Variants in DAGLA observed in about 807,000 individuals in gnomAD.
The protein encoded by DAGLA is diacylglycerol lipase-alpha.
DAGLA carries 22 observed loss-of-function variants against 102.6 expected under a neutral mutation model. That is an observed-to-expected ratio of 0.21 (90% CI 0.15 to 0.31). The LOEUF (loss-of-function observed/expected upper bound fraction) is 0.31, where lower values mean the gene tolerates loss of function less well. DAGLA is among the 10% of genes least tolerant of loss of function. DAGLA has a pLI of 1.00. For synonymous variants in DAGLA, 578 were observed against 628.9 expected, an observed-to-expected ratio of 0.92 and a Z score of 1.21; for missense variants, 927 against 1,446.6, an observed-to-expected ratio of 0.64 and a Z score of 5.83.
chr11:61,732,543 C>T (rs937244807), intron 9 of DAGLA, among the ~76,000 whole-genome samples: 1 of 152,202 alleles, frequency 6.6e-6, no homozygotes, highest in African/African-American at 2.4e-5. Flanking sequence ...TGGTATCTGT[C>T]CTGCCTGCCC....
chr11:61,699,619 C>T (rs2065093295), intron 1 of DAGLA, among the ~76,000 whole-genome samples: 1 of 152,254 alleles, frequency 6.6e-6, no homozygotes, highest in Admixed American at 6.5e-5. Context: ...CCGCCTCACC[C>T]TTTGCAGACT....
intron 1 of DAGLA, among the ~76,000 whole-genome samples, chr11:61,702,797 G>T (rs1262355606): frequency 6.6e-6 from 1 of 152,226 alleles, no homozygotes; most frequent in Admixed American, 6.5e-5. Context: ...GTAGAGGGAA[G>T]CCAGGCTTGT....
intron 16 of DAGLA, 30 bp from the exon 17 acceptor site, chr11:61,739,435 T>TC (rs754757266): frequency 5.0e-6 from 8 of 1,588,660 alleles, no homozygotes; most frequent in Non-Finnish European, 6.9e-6. Context: ...CTTAGCTCTG[T>TC]CCCCATCTCT....
At chr11:61,702,828 G>A (rs893463225) in intron 1 of DAGLA, among the ~76,000 whole-genome samples, 2 of 152,248 alleles carry the variant, frequency 1.3e-5, no homozygotes, top group Non-Finnish European at 2.9e-5. Flanking sequence ...GAGCCCTCCA[G>A]TAGCAGGACC....
intron 1 of DAGLA, among the ~76,000 whole-genome samples, chr11:61,704,058 T>C (rs1023583038): frequency 9.9e-5 from 15 of 151,886 alleles, no homozygotes; most frequent in Admixed American, 7.9e-4. Flanking sequence ...CTTCAGGGTA[T>C]GGGGCAGGAT....
chr11:61,719,350 C>A (rs1367780021), intron 1 of DAGLA, among the ~76,000 whole-genome samples: 2 of 152,104 alleles, frequency 1.3e-5, no homozygotes, highest in African/African-American at 2.4e-5. Flanking sequence ...CTTACCCCAT[C>A]CTTCCAGCAG....
chr11:61,723,021 A>C, intron 4 of DAGLA, 61 bp downstream of exon 4: 2 of 1,319,832 alleles, frequency 1.5e-6, no homozygotes, highest in East Asian at 4.6e-5. Context: ...GGACGAGATC[A>C]GTTTAGAGAG....
In DAGLA at chr11:61,695,872, C is replaced by T. The variant is rs368971084; in HGVS notation, c.-45+15368C>T. On this transcript the variant is annotated intron_variant, in intron 1 of 19. Transcript: ENST00000257215. Reference sequence around the variant, plus strand: ...GAATGAGGTAGGGTGTGCATCCCTGCGTGCCCCGGTGAGACCCTGGAAAGC... The same window carrying T: ...GAATGAGGTAGGGTGTGCATCCCTGTGTGCCCCGGTGAGACCCTGGAAAGC... 7.8e-4 allele frequency among the ~76,000 whole-genome samples: 119 copies of T among 152,278 alleles called. 2 individuals are homozygous for T. In the East Asian group the frequency reaches 0.02, roughly 25 times the overall value.
Position 61,737,671 on chromosome 11 carries a change from T to C in DAGLA, c.1515-16T>C, listed in dbSNP as rs755568455. ...CGCCCCCTTGGCCTTAGCTTCTGCTTCGGCTTCCCTTGCAGTGAGGATGCG... is the reference window on the plus strand; with the variant it reads ...CGCCCCCTTGGCCTTAGCTTCTGCTCCGGCTTCCCTTGCAGTGAGGATGCG... On this transcript the variant is annotated splice_polypyrimidine_tract_variant and intron_variant, in intron 14 of 19. Transcript: ENST00000257215. 6.2e-7 allele frequency: 1 copy of C among 1,613,458 alleles called. No homozygotes were observed. Among genetic ancestry groups the C allele is most frequent in the Non-Finnish European group, 8.5e-7 (1 of 1,179,506 alleles).
intron 1 of DAGLA, among the ~76,000 whole-genome samples, chr11:61,694,366 C>T (rs2065047371): frequency 6.6e-6 from 1 of 152,236 alleles, no homozygotes; most frequent in Non-Finnish European, 1.5e-5. Flanking sequence ...CAGGGCTCTC[C>T]AGTCAAGGGC....
intron 19 of DAGLA, among the ~76,000 whole-genome samples, chr11:61,741,571 C>T (rs1181472753): frequency 6.6e-6 from 1 of 152,052 alleles, no homozygotes; most frequent in Non-Finnish European, 1.5e-5. Flanking sequence ...GGCACACAGA[C>T]CCACAAACCC....
intron 3 of DAGLA, 85 bp downstream of exon 3, chr11:61,720,975 C>G: frequency 8.4e-6 from 11 of 1,308,770 alleles, no homozygotes; most frequent in Non-Finnish European, 1.2e-5. Context: ...GCACATGTTG[C>G]GAGCCAGGCC....
rs779502739 is a variant in DAGLA, at chr11:61,734,813, T to C, written c.975-36T>C. ...AGGAGACATTTGTTCCCTCGGGGAC[T>C]CCCTGGCCCTGAACTCTCTTGTCAC... On this transcript the variant is annotated intron_variant, in intron 9 of 19. Transcript: ENST00000257215. This position sits in a 1 kb window ranked among gnomAD's most constrained non-coding sequence, Gnocchi z 4.2. 3.5e-5 allele frequency: 55 copies of C among 1,587,676 alleles called. No homozygotes were observed. In the Middle Eastern group the frequency reaches 5.0e-4, roughly 14 times the overall value.
At chr11:61,700,019 G>A (rs1360739084) in intron 1 of DAGLA, among the ~76,000 whole-genome samples, 1 of 152,192 alleles carries the variant, frequency 6.6e-6, no homozygotes, top group Non-Finnish European at 1.5e-5. Flanking sequence ...ACACCACCCT[G>A]CATCCCCAAG....
At position 61,743,842 on chromosome 11, in the gene DAGLA, C is replaced by A; in HGVS notation, c.2482C>A (p.Pro828Thr). Residue 828 changes from proline to threonine, a missense_variant, in exon 20 of 20, where the codon CCC becomes ACC. Around this residue, in one of 4 missense-constraint regions of DAGLA, gnomAD observed 434 missense variants for 503.3 expected, o/e 0.86. Transcript: ENST00000257215. ...GHLFYIDPAIPEENPSLSSRT... is the reference protein window; with the variant it reads ...GHLFYIDPAITEENPSLSSRT... ...CCTCTTCTACATTGACCCTGCCATC[C>A]CCGAGGAAAACCCATCCCTGAGCTC... 6.2e-7 allele frequency: 1 copy of A among 1,612,582 alleles called. No individual in the cohort carries two copies. Among genetic ancestry groups the A allele is most frequent in the Non-Finnish European group, 8.5e-7 (1 of 1,179,944 alleles).
intron 1 of DAGLA, among the ~76,000 whole-genome samples, chr11:61,694,982 G>T (rs770119847): frequency 2.0e-5 from 3 of 152,214 alleles, no homozygotes; most frequent in Admixed American, 6.5e-5. Context: ...GGCTCTGCCT[G>T]GGGAGCACCA....
chr11:61,693,615 G>C (rs976787787), intron 1 of DAGLA, among the ~76,000 whole-genome samples: 2 of 152,126 alleles, frequency 1.3e-5, no homozygotes, highest in African/African-American at 4.8e-5. Flanking sequence ...CCAAAGTGCT[G>C]GGATTACAGG....
At chr11:61,738,941 G>A (rs1414910952) in intron 16 of DAGLA, among the ~76,000 whole-genome samples, 2 of 152,214 alleles carry the variant, frequency 1.3e-5, no homozygotes, top group Non-Finnish European at 2.9e-5. Context: ...CCCTGGGCCA[G>A]GTACCAGGTG....
intron 1 of DAGLA, among the ~76,000 whole-genome samples, chr11:61,692,735 CGAGAA>C (rs1234598569): frequency 6.6e-6 from 1 of 151,964 alleles, no homozygotes; most frequent in Middle Eastern, 3.2e-3. Flanking sequence ...TTTCTCACAC[CGAGAA>C]GAGGGAAACA....
Sources: gnomAD v4.1 joint callset for allele counts (sites outside exome capture counted in the v4.1 genomes callset) on GRCh38, gnomAD v4.1.1 for gene constraint, gnomAD v4.1.1 regional missense constraint, Gnocchi (gnomAD v3.1) non-coding constraint, MANE v1.5 for transcripts, NCBI Gene and HGNC (gene_info 2026-07-23, HGNC 2026-07-21) for gene names.